Variants in SATB2 observed in about 807,000 individuals in gnomAD.
SATB2 encodes the protein SATB homeobox 2, also known as DNA-binding protein SATB2.
A neutral mutation model predicts 73.4 loss-of-function variants in SATB2; 1 was observed. The ratio of observed to expected loss-of-function variants is 0.01; its 90% CI spans 0.00 to 0.06. SATB2 has a LOEUF of 0.06. SATB2 is among the 10% of genes least tolerant of loss of function. The probability of loss-of-function intolerance (pLI) is 1.00; values close to 1 mark genes in which losing one functional copy is unlikely to be tolerated. For synonymous variants in SATB2, 397 were observed against 367.0 expected (o/e 1.08, Z -0.93); for missense variants, 459 against 945.8 (o/e 0.49, Z 6.75).
intron 10 of SATB2, among the ~76,000 whole-genome samples, chr2:199,306,859 A>C (rs1337130200): frequency 6.6e-6 from 1 of 152,232 alleles, no homozygotes; most frequent in Non-Finnish European, 1.5e-5. Context: ...AATGCATTTT[A>C]TTACATTTAT....
At chr2:199,451,914 G>A (rs372049373) in intron 2 of SATB2, among the ~76,000 whole-genome samples, 173 of 152,142 alleles carry the variant, frequency 1.1e-3, no homozygotes, top group African/African-American at 3.9e-3. Context: ...CTGGTAGCAC[G>A]AATAGGTCTA....
intron 3 of SATB2, among the ~76,000 whole-genome samples, chr2:199,417,421 C>A (rs2105910195): frequency 6.6e-6 from 1 of 152,164 alleles, no homozygotes; most frequent in Non-Finnish European, 1.5e-5. Context: ...ACAAGTGGAA[C>A]CACTTGAGAA....
In SATB2 at chr2:199,455,744, T is replaced by C; in HGVS notation, c.169+125A>G. 12 of 1,114,138 alleles carry C rather than the reference T, an allele frequency of 1.1e-5. No homozygotes were observed. Among genetic ancestry groups the C allele is most frequent in the Admixed American group, 4.3e-5 (2 of 47,028 alleles). 69.0% of individuals were successfully genotyped at this position (1,114,138 alleles called of 1,614,324 possible). A position where few individuals can be genotyped will look rare whatever the true frequency, so the allele number is the denominator to read the frequency against. On this transcript the variant is annotated intron_variant, in intron 2 of 10. Transcript: ENST00000417098. The surrounding 1 kb of genome is among the most constrained non-coding windows in gnomAD (Gnocchi z 4.1). ...AGATGAGAGGCGACGGGGGCATTAT[T>C]TGGCAACCTGGAATTCACTTCCTGT...
At chr2:199,281,936 C>T (rs926653851) in intron 10 of SATB2, among the ~76,000 whole-genome samples, 7 of 148,776 alleles carry the variant, frequency 4.7e-5, no homozygotes, top group African/African-American at 1.2e-4. Context: ...GGCTGGAGTG[C>T]AGTGGCGTGA....
At chr2:199,421,982 A>C (rs1691185724) in intron 3 of SATB2, among the ~76,000 whole-genome samples, 1 of 152,232 alleles carries the variant, frequency 6.6e-6, no homozygotes, top group Admixed American at 6.5e-5. Context: ...ATCTGCACTT[A>C]ACACTTCCTA....
intron 2 of SATB2, among the ~76,000 whole-genome samples, chr2:199,453,122 G>A (rs1318306600): frequency 6.6e-6 from 1 of 152,042 alleles, no homozygotes; most frequent in African/African-American, 2.4e-5. Context: ...AATAAGTAGA[G>A]TAACAGCAGA....
In SATB2 at chr2:199,351,016, G is replaced by A. The variant is rs541855580; in HGVS notation, c.701-1843C>T. Among the ~76,000 whole-genome samples, 7 of 135,372 alleles carry A rather than the reference G, an allele frequency of 5.2e-5. No individual in the cohort carries two copies. In the South Asian group the frequency reaches 7.0e-4, roughly 14 times the overall value. The allele number at this position is 135,372 out of a possible 152,430, so 88.8% of individuals were successfully genotyped here. A position where few individuals can be genotyped will look rare whatever the true frequency, so the allele number is the denominator to read the frequency against. On this transcript the variant is annotated intron_variant, in intron 6 of 10. Transcript: ENST00000417098. ...CTGCACTCCAGCCTGAGTGACGAGC[G>A]AGACTCTGTCTCCAAAAAAAAAAAA... is the stretch of plus-strand genomic sequence containing the variant.
chr2:199,369,420 A>G (rs1689378335), intron 5 of SATB2, among the ~76,000 whole-genome samples: 1 of 152,186 alleles, frequency 6.6e-6, no homozygotes, highest in Non-Finnish European at 1.5e-5. Flanking sequence ...ATAGCCTGAC[A>G]TAGCACTGAA....
intron 7 of SATB2, among the ~76,000 whole-genome samples, chr2:199,344,431 C>T (rs79439683): frequency 0.01 from 1,560 of 152,268 alleles, 18 homozygotes; most frequent in African/African-American, 0.031. Flanking sequence ...CTTTGAATCA[C>T]GAGAGAAAGT....
chr2:199,397,159 T>G (rs897936508), intron 3 of SATB2, among the ~76,000 whole-genome samples: 1 of 152,220 alleles, frequency 6.6e-6, no homozygotes, highest in Non-Finnish European at 1.5e-5. Context: ...CAGTTTAGTG[T>G]TTTTATGTTT....
At chr2:199,381,434 T>C (rs1215537883) in intron 4 of SATB2, among the ~76,000 whole-genome samples, 1 of 152,194 alleles carries the variant, frequency 6.6e-6, no homozygotes, top group Non-Finnish European at 1.5e-5. Flanking sequence ...CTATAGATTT[T>C]TAATGATTTG....
chr2:199,327,161 C>A (rs566546641), intron 8 of SATB2, among the ~76,000 whole-genome samples: 1 of 152,248 alleles, frequency 6.6e-6, no homozygotes, highest in East Asian at 1.9e-4. Context: ...TCCATTAGGT[C>A]GGGCACGGTG....
intron 9 of SATB2, among the ~76,000 whole-genome samples, chr2:199,317,890 T>C (rs1459983870): frequency 6.6e-6 from 1 of 152,068 alleles, no homozygotes; most frequent in Admixed American, 6.6e-5. Context: ...AGAAATTTCT[T>C]CACTAGGCAT....
At chr2:199,365,638 CA>C (rs1283977868) in intron 6 of SATB2, among the ~76,000 whole-genome samples, 2 of 152,166 alleles carry the variant, frequency 1.3e-5, no homozygotes, top group Middle Eastern at 3.4e-3. Context: ...ACAACAAATT[CA>C]AAAAATGCAC....
chr2:199,459,488 G>T (rs963331030), upstream of SATB2, among the ~76,000 whole-genome samples: 2 of 152,186 alleles, frequency 1.3e-5, no homozygotes, highest in Non-Finnish European at 2.9e-5. The surrounding 1 kb of genome is among the most constrained non-coding windows in gnomAD (Gnocchi z 4.2). Context: ...CAGCCCCCGC[G>T]AGATACCCGG....
At chr2:199,449,025 A>C (rs979036765) in intron 2 of SATB2, among the ~76,000 whole-genome samples, 4 of 152,174 alleles carry the variant, frequency 2.6e-5, no homozygotes, top group Non-Finnish European at 5.9e-5. Flanking sequence ...AAACTGACAT[A>C]GTTTGCTGAT....
intron 10 of SATB2, among the ~76,000 whole-genome samples, chr2:199,287,724 C>A (rs1692731039): frequency 1.3e-5 from 2 of 152,092 alleles, no homozygotes; most frequent in South Asian, 2.1e-4. Flanking sequence ...TATCAAATTT[C>A]TGTAATTATT....
At chr2:199,282,035 C>T (rs1574468406) in intron 10 of SATB2, among the ~76,000 whole-genome samples, 1 of 152,164 alleles carries the variant, frequency 6.6e-6, no homozygotes, top group East Asian at 1.9e-4. Flanking sequence ...GTGCCCACCG[C>T]CACACCCAGC....
intron 5 of SATB2, among the ~76,000 whole-genome samples, chr2:199,375,077 T>C (rs571056653): frequency 6.6e-6 from 1 of 152,068 alleles, no homozygotes; most frequent in African/African-American, 2.4e-5. Context: ...TACTGGTACC[T>C]CTACTTATTT....
Sources: allele counts gnomAD v4.1 joint callset (sites outside exome capture counted in the v4.1 genomes callset), GRCh38; gene constraint gnomAD v4.1.1; non-coding constraint Gnocchi (gnomAD v3.1); transcripts MANE v1.5; gene names NCBI Gene and HGNC (gene_info 2026-07-23, HGNC 2026-07-21).